The following NLRP1 variants were observed in gnomAD, a reference collection of about 807,000 sequenced individuals.
NLRP1 encodes the protein NACHT, LRR and PYD domains-containing protein 1.
NLRP1 carries 94 observed loss-of-function variants against 136.7 expected under a neutral mutation model. That is an observed-to-expected ratio of 0.69 (90% CI 0.58 to 0.82). The LOEUF (loss-of-function observed/expected upper bound fraction) is 0.82. Among genes scored for constraint, NLRP1 ranks in the 40% least tolerant of loss-of-function variants. The probability of loss-of-function intolerance (pLI) is 0.00; values close to 1 mark genes in which losing one functional copy is unlikely to be tolerated. For missense variants in NLRP1, 1,575 were observed against 1,802.7 expected, an observed-to-expected ratio of 0.87 and a Z score of 2.29; for synonymous variants, 690 against 725.1, an observed-to-expected ratio of 0.95 and a Z score of 0.78.
At chr17:5,528,362 A>G (rs948735914) in intron 12 of NLRP1, among the ~76,000 whole-genome samples, 1 of 152,110 alleles carries the variant, frequency 6.6e-6, no homozygotes, top group Non-Finnish European at 1.5e-5. Context: ...TCCTTTCTAA[A>G]TGGACCTCTA....
intron 3 of NLRP1, among the ~76,000 whole-genome samples, chr17:5,571,962 G>C (rs1904408241): frequency 6.6e-6 from 1 of 152,184 alleles, no homozygotes; most frequent in South Asian, 2.1e-4. Flanking sequence ...ACAACCATCT[G>C]ATCTTTGATA....
At chr17:5,554,332 A>G (rs1174680679) in intron 4 of NLRP1, among the ~76,000 whole-genome samples, 2 of 152,172 alleles carry the variant, frequency 1.3e-5, no homozygotes, top group African/African-American at 4.8e-5. Flanking sequence ...GTTTTCACAC[A>G]CTACTTTAGT....
intron 12 of NLRP1, among the ~76,000 whole-genome samples, chr17:5,525,796 G>C (rs1008077002): frequency 6.6e-6 from 1 of 152,216 alleles, no homozygotes; most frequent in African/African-American, 2.4e-5. Context: ...TCACTGTGCA[G>C]ATTGACTGGG....
intron 15 of NLRP1, among the ~76,000 whole-genome samples, chr17:5,506,902 C>CAAAAA (rs199684717): frequency 4.5e-5 from 4 of 88,772 alleles, no homozygotes; most frequent in Middle Eastern, 5.6e-3. Flanking sequence ...AACTCCATCT[C>CAAAAA]AAAAAAAAAA....
intron 12 of NLRP1, among the ~76,000 whole-genome samples, chr17:5,524,670 A>G (rs980897549): frequency 1.3e-5 from 2 of 152,204 alleles, no homozygotes; most frequent in African/African-American, 4.8e-5. Context: ...CAGTTGAGGG[A>G]GCTGAAATCC....
chr17:5,539,450 C>A lies in NLRP1; in HGVS notation c.2835G>T (p.Gly945=). The A allele has an allele frequency of 6.2e-7, 1 of 1,613,854 alleles. No individual in the cohort carries two copies. The highest frequency in any genetic ancestry group is 2.2e-5 in the East Asian group (1 of 44,874). ...TGAGTTTGCAGGCAGGATGCCTGAG[C>A]CCCTCACAGAGCAGTCGCACGCCAA... ...DDVGVRLLCE[G]LRHPACKLIR... Residue 945 remains glycine (G), a synonymous_variant, in exon 7 of 17, where the codon GGG becomes GGT. Transcript: ENST00000572272.
At chr17:5,531,722 A>G (rs547302428) in intron 11 of NLRP1, among the ~76,000 whole-genome samples, 11 of 152,262 alleles carry the variant, frequency 7.2e-5, no homozygotes, top group Non-Finnish European at 2.9e-5. Context: ...AACATGTTAT[A>G]TAAGAGATCA....
At chr17:5,511,871 TC>T (rs879883947), downstream of NLRP1, among the ~76,000 whole-genome samples, 65,978 of 150,776 alleles carry the variant, frequency 0.44, 15,226 homozygotes, top group East Asian at 0.88. Context: ...TTTCTTTCTC[TC>T]TCTTCTTTCT....
downstream of NLRP1, among the ~76,000 whole-genome samples, chr17:5,513,895 C>T (rs956046120): frequency 2.6e-5 from 4 of 152,204 alleles, no homozygotes; most frequent in Non-Finnish European, 5.9e-5. Flanking sequence ...AATACATTAG[C>T]ATACTAAAAG....
At chr17:5,520,811 T>C in intron 14 of NLRP1, 70 bp downstream of exon 14, 1 of 1,393,294 alleles carries the variant, frequency 7.2e-7, no homozygotes, top group Non-Finnish European at 9.6e-7. Flanking sequence ...CCCTGAGACC[T>C]GCCCCACAGG....
intron 8 of NLRP1, 60 bp from the exon 9 acceptor site, chr17:5,534,048 G>T: frequency 8.5e-7 from 1 of 1,172,606 alleles, no homozygotes; most frequent in Non-Finnish European, 1.3e-6. Context: ...CTGTCCACAT[G>T]ACATTCCCAC....
chr17:5,551,159 C>A (rs760866367), intron 5 of NLRP1, among the ~76,000 whole-genome samples: 1 of 152,154 alleles, frequency 6.6e-6, no homozygotes, highest in Non-Finnish European at 1.5e-5. Flanking sequence ...AATAGTTTCA[C>A]TGCCCTAAAA....
intron 3 of NLRP1, among the ~76,000 whole-genome samples, chr17:5,563,150 A>G (rs1369449451): frequency 6.6e-6 from 1 of 152,262 alleles, no homozygotes; most frequent in East Asian, 1.9e-4. Context: ...CAAAGATTAA[A>G]GGAACATCAG....
At chr17:5,524,220 CATT>C (rs1597400613) in intron 12 of NLRP1, among the ~76,000 whole-genome samples, 2 of 152,338 alleles carry the variant, frequency 1.3e-5, no homozygotes, top group East Asian at 1.9e-4. Context: ...GGGACGCCTG[CATT>C]ACAGTCTTTC....
intron 12 of NLRP1, 46 bp downstream of exon 12, chr17:5,530,435 C>T (rs1910093976): frequency 6.5e-7 from 1 of 1,534,112 alleles, no homozygotes; most frequent in African/African-American, 1.4e-5. Flanking sequence ...CCCTTTCAGG[C>T]CCATAATTAC....
At chr17:5,560,173 G>A in intron 3 of NLRP1, 130 bp from the exon 4 acceptor site, 1 of 839,402 alleles carries the variant, frequency 1.2e-6, no homozygotes. Context: ...GTATGTTCTT[G>A]CCATGCGGCG....
At chr17:5,547,414 C>T (rs1294474325) in intron 5 of NLRP1, among the ~76,000 whole-genome samples, 1 of 152,212 alleles carries the variant, frequency 6.6e-6, no homozygotes, top group Admixed American at 6.5e-5. Flanking sequence ...AGTTTTCAAT[C>T]TGTAACCGTT....
intron 15 of NLRP1, among the ~76,000 whole-genome samples, chr17:5,507,272 CTG>C (rs1418349881): frequency 6.6e-6 from 1 of 151,974 alleles, no homozygotes; most frequent in Non-Finnish European, 1.5e-5. Context: ...GAAAAAATAA[CTG>C]TGAGGACATT....
intron 11 of NLRP1, among the ~76,000 whole-genome samples, chr17:5,531,536 T>C (rs180926340): frequency 6.6e-6 from 1 of 152,274 alleles, no homozygotes; most frequent in East Asian, 1.9e-4. Context: ...CTAATATTAA[T>C]GCTAAACCCT....
Sources: allele counts gnomAD v4.1 joint callset (sites outside exome capture counted in the v4.1 genomes callset), GRCh38; gene constraint gnomAD v4.1.1; transcripts MANE v1.5; gene names NCBI Gene and HGNC (gene_info 2026-07-23, HGNC 2026-07-21).